The following IL17RC variants were observed in gnomAD, a reference collection of about 807,000 sequenced individuals.
The protein encoded by IL17RC is interleukin-17 receptor C.
In IL17RC, 53 loss-of-function variants were observed where a neutral mutation model predicts 86.7. The observed-to-expected ratio is 0.61, with a 90% CI of 0.49 to 0.77. The LOEUF is 0.77. Among genes scored for constraint, IL17RC ranks in the 30% least tolerant of loss-of-function variants. The pLI, the probability that IL17RC is intolerant of heterozygous loss-of-function variation, is 0.00. For synonymous variants in IL17RC, 439 were observed against 413.1 expected (o/e 1.06, Z -0.76); for missense variants, 957 against 940.0 (o/e 1.02, Z -0.24).
chr3:9,926,614 G>T (rs987167502), intron 9 of IL17RC, among the ~76,000 whole-genome samples: 5 of 146,494 alleles, frequency 3.4e-5, no homozygotes, highest in African/African-American at 5.0e-5. Flanking sequence ...TTGTGTTTTT[G>T]TTTTTTTTTT....
At chr3:9,920,653 T>G in intron 6 of IL17RC, 51 bp downstream of exon 6, 6 of 1,195,734 alleles carry the variant, frequency 5.0e-6, no homozygotes, top group East Asian at 2.5e-5. Context: ...CCTCTGGCCA[T>G]TCCCCCTCCT....
intron 7 of IL17RC, among the ~76,000 whole-genome samples, chr3:9,921,310 C>T (rs960386963): frequency 6.6e-6 from 1 of 152,004 alleles, no homozygotes; most frequent in Non-Finnish European, 1.5e-5. Flanking sequence ...CAAAAATTAA[C>T]AGGACATGGT....
At chr3:9,927,135 A>G (rs1314742351) in intron 9 of IL17RC, among the ~76,000 whole-genome samples, 11 of 152,258 alleles carry the variant, frequency 7.2e-5, no homozygotes, top group Non-Finnish European at 2.9e-5. Flanking sequence ...TCTAGTGCTT[A>G]GCATAGAGCT....
chr3:9,932,519 C>T, intron 16 of IL17RC, 89 bp from the exon 17 acceptor site: 2 of 1,242,030 alleles, frequency 1.6e-6, no homozygotes, highest in African/African-American at 1.5e-5. Context: ...CATGAGCCAC[C>T]GCACCCGGCC....
chr3:9,930,741 G>A lies in IL17RC; in HGVS notation c.1339-154G>A. The A allele has an allele frequency of 1.3e-6, 1 of 778,626 alleles. No homozygotes were observed. The highest frequency in any genetic ancestry group is 2.5e-5 in the East Asian group (1 of 40,778). The allele number at this position is 778,626 out of a possible 1,614,324, so 48.2% of individuals were successfully genotyped here. A position where few individuals can be genotyped will look rare whatever the true frequency, so the allele number is the denominator to read the frequency against. ...TATGGAAGAAGTCATACCCTAGTCA[G>A]TGGGCACAGCACAAAGGCAGAGCAG... On this transcript the variant is annotated intron_variant, in intron 15 of 18. Coordinates refer to ENST00000403601, the MANE Select transcript of IL17RC (RefSeq NM_153460.4). This position sits in a 1 kb window ranked among gnomAD's most constrained non-coding sequence, Gnocchi z 5.8.
intron 18 of IL17RC, 38 bp from the exon 19 acceptor site, chr3:9,932,915 A>T (rs1281332400): frequency 1.9e-6 from 3 of 1,609,382 alleles, no homozygotes; most frequent in African/African-American, 2.7e-5. Flanking sequence ...GGCCTGTGCC[A>T]GCTCACCTCT....
intron 7 of IL17RC, among the ~76,000 whole-genome samples, chr3:9,922,992 G>A (rs1025180983): frequency 6.6e-6 from 1 of 151,038 alleles, no homozygotes; most frequent in Non-Finnish European, 1.5e-5. Flanking sequence ...TGGCTAACAC[G>A]GTGAAACCCC....
chr3:9,920,990 G>C (rs1449468220), intron 7 of IL17RC, 21 bp downstream of exon 7: 4 of 1,547,964 alleles, frequency 2.6e-6, no homozygotes, highest in Admixed American at 2.1e-5. Context: ...GGGCCAGTGG[G>C]CCGGGGGTAG....
At chr3:9,917,896 A>G in intron 2 of IL17RC, 27 bp from the exon 3 acceptor site, 1 of 1,612,612 alleles carries the variant, frequency 6.2e-7, no homozygotes, top group Non-Finnish European at 8.5e-7. Context: ...GAACAGCTTC[A>G]GCTCCCACCC....
At position 9,919,961 on chromosome 3, in the gene IL17RC, C is replaced by T. The variant is rs60177162; in HGVS notation, c.466-530C>T. Among the ~76,000 whole-genome samples, 34 of 152,136 alleles carry T rather than the reference C, an allele frequency of 2.2e-4. 1 individual carries two copies. In the East Asian group the frequency reaches 6.6e-3, roughly 29 times the overall value. On this transcript the variant is annotated intron_variant, in intron 5 of 18. Transcript: ENST00000403601. ...ATGGTGCAGGGTGTTGGGGCTTCTC[C>T]CTGCCTTAGGAGGCCACATGTACCT...
chr3:9,924,410 C>T, intron 9 of IL17RC, 119 bp downstream of exon 9: 1 of 1,046,172 alleles, frequency 9.6e-7, no homozygotes, highest in Non-Finnish European at 1.4e-6. Context: ...GACTGTGGCT[C>T]CCTGGGGTGG....
intron 16 of IL17RC, among the ~76,000 whole-genome samples, chr3:9,931,281 C>T (rs2084629781): frequency 6.6e-6 from 1 of 151,496 alleles, no homozygotes; most frequent in Non-Finnish European, 1.5e-5. Context: ...GGGTGAGGGG[C>T]TCAGGGGGAA....
rs770588776 is a variant in IL17RC at position 9,933,227 on chromosome 3, G to C, written c.1797G>C (p.Gly599=). Residue 599 remains glycine, a synonymous_variant, in exon 19 of 19, where the codon GGG becomes GGC. Transcript: ENST00000403601. ...CSEWLQDGVS[G]PGAHGPHDAF... is the part of the protein sequence containing the mutation. ...AGTGGCTACAGGATGGGGTGTCCGG[G>C]CCCGGGGCGCACGGCCCGCACGACG... 5.7e-5 allele frequency: 91 copies of C among 1,606,526 alleles called. No homozygotes were observed. The highest frequency in any genetic ancestry group is 2.4e-5 in the Non-Finnish European group (28 of 1,177,156).
rs1575582714 is a variant in IL17RC, at chr3:9,928,188, C to G, written c.845C>G (p.Ser282Cys). 6.2e-7 allele frequency: 1 copy of G among 1,614,182 alleles called. No homozygotes were observed. Among genetic ancestry groups the G allele is most frequent in the South Asian group, 1.1e-5 (1 of 91,078 alleles). Residue 282 changes from serine to cysteine, a missense_variant, in exon 10 of 19, where the codon TCC becomes TGC. Coordinates refer to ENST00000403601, the MANE Select transcript of IL17RC (RefSeq NM_153460.4). ...CIQVWPLEPD[S>C]VRTNICPFRE... ...CAGGTGTGGCCTCTGGAACCTGACT[C>G]CGTTAGGACGAACATCTGCCCCTTC...
intron 12 of IL17RC, 24 bp from the exon 13 acceptor site, chr3:9,929,828 C>T: frequency 6.2e-7 from 1 of 1,614,030 alleles, no homozygotes; most frequent in Non-Finnish European, 8.5e-7. Context: ...CTTAGTGGCC[C>T]TAACCATGGT....
At chr3:9,922,987 A>G (rs1343087317) in intron 7 of IL17RC, among the ~76,000 whole-genome samples, 1 of 151,178 alleles carries the variant, frequency 6.6e-6, no homozygotes, top group African/African-American at 2.4e-5. Context: ...CATCCTGGCT[A>G]ACACGGTGAA....
chr3:9,917,799 C>T lies in IL17RC; in HGVS notation c.127+65C>T, dbSNP rs1230234623. On this transcript the variant is annotated intron_variant, in intron 2 of 18. Transcript: ENST00000403601. ...CCGAAGGGAGCAGAGCTGTCCCAGG[C>T]CCATGCCCTCCATGCCCACCTCAGC... 5 of 1,607,664 alleles carry T rather than the reference C, an allele frequency of 3.1e-6. No individual in the cohort carries two copies. In the Admixed American group the frequency reaches 6.7e-5, roughly 21 times the overall value.
chr3:9,925,262 G>C (rs2083955275), intron 9 of IL17RC, among the ~76,000 whole-genome samples: 1 of 151,734 alleles, frequency 6.6e-6, no homozygotes, highest in South Asian at 2.1e-4. Flanking sequence ...GACTACAGGT[G>C]CCTGCAACCA....
At chr3:9,917,634 G>A (rs947515976) in intron 1 of IL17RC, 79 bp from the exon 2 acceptor site, 1 of 1,613,958 alleles carries the variant, frequency 6.2e-7, no homozygotes, top group African/African-American at 1.3e-5. Flanking sequence ...CCAGAAAAAG[G>A]TAGGTGGAGG....
Sources: gnomAD v4.1 joint callset for allele counts (sites outside exome capture counted in the v4.1 genomes callset) on GRCh38, gnomAD v4.1.1 for gene constraint, Gnocchi (gnomAD v3.1) non-coding constraint, MANE v1.5 for transcripts, NCBI Gene and HGNC (gene_info 2026-07-23, HGNC 2026-07-21) for gene names.